The following UBE2K variants were observed in gnomAD, a reference collection of about 807,000 sequenced individuals.
The protein encoded by UBE2K is ubiquitin-conjugating enzyme E2 K.
In UBE2K, 6 loss-of-function variants were observed where a neutral mutation model predicts 30.0. That is an observed-to-expected ratio of 0.20 (90% CI 0.11 to 0.39). The LOEUF (loss-of-function observed/expected upper bound fraction) is 0.39. UBE2K is among the 10% of genes least tolerant of loss of function. The pLI, the probability that UBE2K is intolerant of heterozygous loss-of-function variation, is 1.00. For missense variants in UBE2K, 61 were observed against 241.6 expected (o/e 0.25, Z 4.96); for synonymous variants, 86 against 83.7 (o/e 1.03, Z -0.15).
At chr4:39,773,778 G>A (rs573928795) in intron 4 of UBE2K, among the ~76,000 whole-genome samples, 3 of 151,806 alleles carry the variant, frequency 2.0e-5, no homozygotes, top group East Asian at 2.0e-4. Flanking sequence ...AAAATTAGCC[G>A]GGCGTGGTGG....
At chr4:39,764,019 A>G (rs1291045389) in intron 4 of UBE2K, among the ~76,000 whole-genome samples, 1 of 152,220 alleles carries the variant, frequency 6.6e-6, no homozygotes, top group African/African-American at 2.4e-5. Context: ...GGCGTGAGCC[A>G]TCGTGCCTGA....
intron 1 of UBE2K, among the ~76,000 whole-genome samples, chr4:39,698,920 A>G (rs994869044): frequency 6.6e-6 from 1 of 152,238 alleles, no homozygotes; most frequent in Non-Finnish European, 1.5e-5. Flanking sequence ...AAGGACATTC[A>G]GAGTTAGTCC....
intron 1 of UBE2K, among the ~76,000 whole-genome samples, chr4:39,734,545 C>T (rs556513027): frequency 2.0e-5 from 3 of 152,156 alleles, no homozygotes; most frequent in South Asian, 2.1e-4. Flanking sequence ...CACCTGTAAT[C>T]GCAGCACTTT....
chr4:39,753,355 G>GA (rs144934665), intron 3 of UBE2K, among the ~76,000 whole-genome samples: 18,577 of 151,996 alleles, frequency 0.12, 1,260 homozygotes, highest in East Asian at 0.22. Context: ...CTCTGGGGGG[G>GA]AAAAAAGGGA....
chr4:39,738,086 G>A (rs528248706), intron 2 of UBE2K, among the ~76,000 whole-genome samples: 1 of 152,174 alleles, frequency 6.6e-6, no homozygotes, highest in East Asian at 1.9e-4. Context: ...GGAATCGGGT[G>A]GTAAGATACA....
rs538580898 is a variant in UBE2K, at chr4:39,770,239, G to A, written c.300-4595G>A. ...CGGTAGGGCTGCGCTCCCGAGTGCA[G>A]GTTGAGGTGGTCGTGCAGGGTGGAC... is the stretch of plus-strand genomic sequence containing the variant. On this transcript the variant is annotated intron_variant, in intron 4 of 6. Coordinates refer to ENST00000261427, the MANE Select transcript of UBE2K (RefSeq NM_005339.5). 8.1e-6 allele frequency: 13 copies of A among 1,611,930 alleles called. No homozygotes were observed. In the East Asian group the frequency reaches 2.5e-4, roughly 30 times the overall value.
intron 3 of UBE2K, among the ~76,000 whole-genome samples, chr4:39,753,972 A>G (rs149057707): frequency 0.011 from 1,693 of 152,266 alleles, 38 homozygotes; most frequent in African/African-American, 0.038. Context: ...TGGCGCTCCA[A>G]GATCGCGCCA....
In UBE2K at chr4:39,778,573, GA is replaced by G. The variant is rs879192679; in HGVS notation, c.*150del. 0.031 allele frequency: 11,094 copies of G among 353,056 alleles called. No homozygotes were observed. Among genetic ancestry groups the G allele is most frequent in the East Asian group, 0.041 (863 of 20,864 alleles). 21.9% of individuals were successfully genotyped at this position (353,056 alleles called of 1,614,324 possible). A position where few individuals can be genotyped will look rare whatever the true frequency, so the allele number is the denominator to read the frequency against. ...TGTTATCTAGGCACCATTGGAGACT[GA>G]AAAAAAAAAATCCCTGCTCTGTAAA... is the stretch of plus-strand genomic sequence containing the variant. On this transcript the variant is annotated 3_prime_UTR_variant, in exon 7 of 7. Coordinates refer to ENST00000261427, the MANE Select transcript of UBE2K (RefSeq NM_005339.5).
In UBE2K at chr4:39,779,042, A is replaced by ACCCCCCCCCCCCCCCCCCCT. The variant is rs3839130; in HGVS notation, c.*616_*617insCCCCCCCCCCCTCCCCCCCC. 3 of 128,222 alleles carry ACCCCCCCCCCCCCCCCCCCT rather than the reference A, an allele frequency of 2.3e-5. No individual in the cohort carries two copies. Among genetic ancestry groups the ACCCCCCCCCCCCCCCCCCCT allele is most frequent in the Non-Finnish European group, 3.2e-5 (2 of 62,678 alleles). 7.9% of individuals were successfully genotyped at this position (128,222 alleles called of 1,614,324 possible). On this transcript the variant is annotated 3_prime_UTR_variant, in exon 7 of 7. Coordinates refer to ENST00000261427, the MANE Select transcript of UBE2K (RefSeq NM_005339.5). ...TGGGACAGTGTCTGATTCCCCCTTCACCCCCCCCACCCCCGCCTTGCCACA... is the reference window on the plus strand; with the variant it reads ...TGGGACAGTGTCTGATTCCCCCTTCACCCCCCCCCCCCCCCCCCCTCCCCCCCCACCCCCGCCTTGCCACA...
At chr4:39,700,471 G>A (rs149196020) in intron 1 of UBE2K, among the ~76,000 whole-genome samples, 72 of 152,222 alleles carry the variant, frequency 4.7e-4, no homozygotes, top group African/African-American at 1.5e-3. Flanking sequence ...GAACATTTAG[G>A]AAAGGGTCAC....
chr4:39,700,705 T>C (rs1717959795), intron 1 of UBE2K, among the ~76,000 whole-genome samples: 1 of 152,220 alleles, frequency 6.6e-6, no homozygotes, highest in Admixed American at 6.5e-5. Flanking sequence ...ATCAGCACTT[T>C]ACCGAAGTTT....
intron 4 of UBE2K, chr4:39,770,632 C>A: frequency 6.2e-7 from 1 of 1,600,034 alleles, no homozygotes; most frequent in East Asian, 2.2e-5. Flanking sequence ...TCTGCGTTCT[C>A]CGACAGGCTA....
intron 1 of UBE2K, among the ~76,000 whole-genome samples, chr4:39,729,160 G>A (rs1042715069): frequency 1.2e-4 from 18 of 151,686 alleles, no homozygotes; most frequent in African/African-American, 3.6e-4. Flanking sequence ...TAGTAGAGGC[G>A]GGGTTTCACC....
chr4:39,737,585 T>C lies in UBE2K; in HGVS notation c.157+72T>C, dbSNP rs548218674. 241 of 979,408 alleles carry C rather than the reference T, an allele frequency of 2.5e-4. No individual in the cohort carries two copies. In the African/African-American group the frequency reaches 3.8e-3, roughly 15 times the overall value. The allele number at this position is 979,408 out of a possible 1,614,324, so 60.7% of individuals were successfully genotyped here. A position where few individuals can be genotyped will look rare whatever the true frequency, so the allele number is the denominator to read the frequency against. On this transcript the variant is annotated intron_variant, in intron 2 of 6. Coordinates refer to ENST00000261427, the MANE Select transcript of UBE2K (RefSeq NM_005339.5). ...TCTGAAACATTTAATCAGAATAATC[T>C]TAAACATCTATAAATTATATGGAGG...
intron 5 of UBE2K, among the ~76,000 whole-genome samples, chr4:39,776,434 C>T (rs1241342690): frequency 6.6e-6 from 1 of 152,152 alleles, no homozygotes; most frequent in Non-Finnish European, 1.5e-5. Flanking sequence ...ACTTCACTAA[C>T]AAAAACTTGT....
intron 1 of UBE2K, among the ~76,000 whole-genome samples, chr4:39,715,511 T>C (rs1436196425): frequency 6.6e-6 from 1 of 151,736 alleles, no homozygotes. Context: ...TTTTTCACGA[T>C]GTTGGCCAGG....
intron 1 of UBE2K, among the ~76,000 whole-genome samples, chr4:39,702,224 T>G (rs1718057227): frequency 1.4e-5 from 1 of 73,542 alleles, no homozygotes; most frequent in African/African-American, 5.7e-5. Context: ...TTCTTTTCTT[T>G]TCTTTTCTTT....
At chr4:39,770,120 C>T in intron 4 of UBE2K, 2 of 1,588,514 alleles carry the variant, frequency 1.3e-6, no homozygotes, top group South Asian at 2.2e-5. Flanking sequence ...CACTGGTCTC[C>T]AGCACGTTCT....
intron 3 of UBE2K, among the ~76,000 whole-genome samples, chr4:39,747,650 T>C (rs1721048321): frequency 6.6e-6 from 1 of 152,202 alleles, no homozygotes; most frequent in Non-Finnish European, 1.5e-5. Flanking sequence ...GGAGTCTTGC[T>C]CTGTCTCCCA....
Sources: allele counts gnomAD v4.1 joint callset (sites outside exome capture counted in the v4.1 genomes callset), GRCh38; gene constraint gnomAD v4.1.1; transcripts MANE v1.5; gene names NCBI Gene and HGNC (gene_info 2026-07-23, HGNC 2026-07-21).